NEK5: variants seen among roughly 807,000 people sequenced by gnomAD.
NEK5 encodes the protein NIMA related kinase 5.
In NEK5, 88 loss-of-function variants were observed where a neutral mutation model predicts 109.2. The observed-to-expected ratio is 0.81, with a 90% CI of 0.68 to 0.96. NEK5 has a LOEUF of 0.96. Among genes scored for constraint, NEK5 ranks in the 40% least tolerant of loss-of-function variants. The pLI, the probability that NEK5 is intolerant of heterozygous loss-of-function variation, is 0.00. For synonymous variants in NEK5, 283 were observed against 299.9 expected (o/e 0.94, Z 0.58); for missense variants, 834 against 920.7 (o/e 0.91, Z 1.22).
intron 21 of NEK5, chr13:52,065,134 A>T: frequency 3.4e-6 from 1 of 291,008 alleles, no homozygotes; most frequent in Non-Finnish European, 6.4e-6. Context: ...ATAAAAATTA[A>T]AAAAAAAAAA....
chr13:52,066,493 T>G lies in NEK5; in HGVS notation c.1850-884A>C, dbSNP rs73500133. Among the ~76,000 whole-genome samples, 434 of 152,176 alleles carry G rather than the reference T, an allele frequency of 2.9e-3. 4 individuals carry two copies. Among genetic ancestry groups the G allele is most frequent in the African/African-American group, 9.8e-3 (407 of 41,516 alleles). On this transcript the variant is annotated intron_variant, in intron 20 of 23. Coordinates refer to ENST00000684899, the MANE Select transcript of NEK5 (RefSeq NM_001365552.1). The stretch of plus-strand genomic sequence containing the variant: ...TTTTTTTCTATGTATTTTGAACAGA[T>G]AGCTCTTCCCTGTTCAAAAAAAATT...
chr13:52,083,672 G>T (rs1955060386), intron 16 of NEK5, among the ~76,000 whole-genome samples: 1 of 152,064 alleles, frequency 6.6e-6, no homozygotes, highest in African/African-American at 2.4e-5. Flanking sequence ...AAGTAGCTGG[G>T]ACTATAGGCA....
At chr13:52,089,163 G>T in intron 14 of NEK5, 84 bp downstream of exon 14, 1 of 853,298 alleles carries the variant, frequency 1.2e-6, no homozygotes, top group Non-Finnish European at 2.0e-6. Context: ...CCTTCTGGTG[G>T]AATGAACTTT....
rs572434158 is a variant in NEK5 at position 52,054,752 on chromosome 13, G to A, written c.2111-4531C>T. On this transcript the variant is annotated intron_variant, in intron 22 of 23. Coordinates refer to ENST00000684899, the MANE Select transcript of NEK5 (RefSeq NM_001365552.1). ...CAGCTGAGGGTCCTGTCTGTTAGAA[G>A]GAAAACTAACAAACAGAAGGGACAT... Among the ~76,000 whole-genome samples the A allele has an allele frequency of 2.4e-4, 36 of 152,234 alleles. 1 individual carries two copies. The highest frequency in any genetic ancestry group is 2.2e-3 in the Admixed American group (33 of 15,280).
At chr13:52,102,912 T>C (rs755519985) in intron 9 of NEK5, among the ~76,000 whole-genome samples, 1 of 152,206 alleles carries the variant, frequency 6.6e-6, no homozygotes, top group Non-Finnish European at 1.5e-5. Context: ...ATATGTATAA[T>C]TTTACCACTC....
At chr13:52,079,724 C>T (rs1221158636) in intron 17 of NEK5, among the ~76,000 whole-genome samples, 31 of 149,518 alleles carry the variant, frequency 2.1e-4, no homozygotes, top group South Asian at 6.4e-4. Context: ...GCCGCCACCC[C>T]GTCTGGGAAG....
At chr13:52,127,738 G>A (rs1021480598) in intron 1 of NEK5, 76 bp from the exon 2 acceptor site, 4 of 361,026 alleles carry the variant, frequency 1.1e-5, no homozygotes, top group Non-Finnish European at 2.0e-5. Context: ...TGTATTCTCG[G>A]GTAAGTCACT....
intron 14 of NEK5, 145 bp downstream of exon 14, chr13:52,089,102 C>CAACAACAAA (rs762548617): frequency 5.0e-6 from 3 of 602,614 alleles, no homozygotes; most frequent in South Asian, 2.1e-5. Flanking sequence ...AAAACAACAA[C>CAACAACAAA]AACAAAAACA....
intron 12 of NEK5, among the ~76,000 whole-genome samples, chr13:52,099,230 AT>A (rs1955479746): frequency 6.6e-6 from 1 of 152,180 alleles, no homozygotes; most frequent in African/African-American, 2.4e-5. Flanking sequence ...TAATTAAAAA[AT>A]TAAAGAAAAA....
At position 52,033,760 on chromosome 13, in the gene NEK5, A is replaced by C. The variant is rs1954330714; in HGVS notation, c.*3188T>G. 6.6e-6 allele frequency: 1 copy of C among 152,434 alleles called. No homozygotes were observed. Among genetic ancestry groups the C allele is most frequent in the African/African-American group, 2.4e-5 (1 of 41,462 alleles). The allele number at this position is 152,434 out of a possible 1,614,324, so 9.4% of individuals were successfully genotyped here. On this transcript the variant is annotated 3_prime_UTR_variant, in exon 24 of 24. Coordinates refer to ENST00000684899, the MANE Select transcript of NEK5 (RefSeq NM_001365552.1). ...CACCAGTGTGGTTATCAATGCTTTC[A>C]GAATACTTGTGTTTATGTAAATATA...
intron 17 of NEK5, among the ~76,000 whole-genome samples, chr13:52,078,464 GC>G (rs1460414524): frequency 6.6e-6 from 1 of 152,186 alleles, no homozygotes; most frequent in African/African-American, 2.4e-5. Context: ...ACAAACTTTT[GC>G]AGGTGATGGA....
At chr13:52,065,132 T>TA (rs113686547) in intron 21 of NEK5, 6,528 of 280,048 alleles carry the variant, frequency 0.023, 1 homozygote, top group East Asian at 0.034. Context: ...AAATAAAAAT[T>TA]AAAAAAAAAA....
rs898104158 is a variant in NEK5, at chr13:52,034,689, CTAAT to C, written c.*2255_*2258del. On this transcript the variant is annotated 3_prime_UTR_variant, in exon 24 of 24. Coordinates refer to ENST00000684899, the MANE Select transcript of NEK5 (RefSeq NM_001365552.1). ...CCAGAGGTGCACACCAACACACCAG[CTAAT>C]TCTTTTTTTTTTTTTTTTTTTTCTG... 2.2e-5 allele frequency: 3 copies of C among 135,996 alleles called. No homozygotes were observed. Among genetic ancestry groups the C allele is most frequent in the Non-Finnish European group, 3.2e-5 (2 of 62,814 alleles). The allele number at this position is 135,996 out of a possible 1,614,324, so 8.4% of individuals were successfully genotyped here.
Position 52,095,976 on chromosome 13 carries a change from T to A in NEK5, c.1027-2741A>T, listed in dbSNP as rs539907427. 5.4e-4 allele frequency among the ~76,000 whole-genome samples: 82 copies of A among 152,232 alleles called. 1 individual carries two copies. Among genetic ancestry groups the A allele is most frequent in the African/African-American group, 1.9e-3 (80 of 41,546 alleles). ...GGGCAGATTCCCCCCTTGCTGTTCT[T>A]GTGATAGTGAGTGAGTTTTCATGAG... On this transcript the variant is annotated intron_variant, in intron 12 of 23. Transcript: ENST00000684899.
At chr13:52,074,805 TGGAC>T (rs1182974658) in intron 19 of NEK5, among the ~76,000 whole-genome samples, 1 of 151,916 alleles carries the variant, frequency 6.6e-6, no homozygotes, top group Non-Finnish European at 1.5e-5. Flanking sequence ...AATTTTAAAG[TGGAC>T]AAAAGATAGA....
intron 17 of NEK5, chr13:52,082,427 C>T: frequency 1.3e-6 from 1 of 789,974 alleles, no homozygotes; most frequent in Non-Finnish European, 1.6e-6. Context: ...AATATAACTC[C>T]TTGGAAAGTA....
At position 52,091,378 on chromosome 13, in the gene NEK5, G is replaced by A. The variant is rs188585731; in HGVS notation, c.1208+1676C>T. Among the ~76,000 whole-genome samples, 868 of 152,200 alleles carry A rather than the reference G, an allele frequency of 5.7e-3. 4 individuals are homozygous for A. The highest frequency in any genetic ancestry group is 0.02 in the African/African-American group (833 of 41,516). ...CCAATATGGATATTACAATTTGAACGGACAGAAGACATAACTTTTGATAAT... is the reference window on the plus strand; with the variant it reads ...CCAATATGGATATTACAATTTGAACAGACAGAAGACATAACTTTTGATAAT... On this transcript the variant is annotated intron_variant, in intron 13 of 23. Transcript: ENST00000684899.
Position 52,060,460 on chromosome 13 carries a change from T to C in NEK5, c.2110+1359A>G, listed in dbSNP as rs563251015. On this transcript the variant is annotated intron_variant, in intron 22 of 23. Transcript: ENST00000684899. ...ACCTCCGCCACCCGGGTTCAAGCGT[T>C]CCTCCTGCCTCAACCTCCCAAGTAG... Among the ~76,000 whole-genome samples the C allele has an allele frequency of 1.2e-4, 18 of 152,236 alleles. 2 individuals carry two copies. In the East Asian group the frequency reaches 3.5e-3, roughly 29 times the overall value.
At chr13:52,127,985 G>A (rs1049735989) in intron 1 of NEK5, among the ~76,000 whole-genome samples, 1 of 152,080 alleles carries the variant, frequency 6.6e-6, no homozygotes, top group Admixed American at 6.5e-5. Flanking sequence ...AAGATTCAGA[G>A]GCATGAGGTT....
Sources: allele counts gnomAD v4.1 joint callset (sites outside exome capture counted in the v4.1 genomes callset), GRCh38; gene constraint gnomAD v4.1.1; transcripts MANE v1.5; gene names NCBI Gene and HGNC (gene_info 2026-07-23, HGNC 2026-07-21).